NTRK3: variants seen among roughly 807,000 people sequenced by gnomAD.
NTRK3 encodes the protein neurotrophic receptor tyrosine kinase 3.
NTRK3 carries 24 observed loss-of-function variants against 91.7 expected under a neutral mutation model. The observed-to-expected ratio is 0.26, with a 90% CI of 0.19 to 0.37. The LOEUF (loss-of-function observed/expected upper bound fraction) is 0.37, where lower values mean the gene tolerates loss of function less well. NTRK3 is among the 10% of genes least tolerant of loss of function. The probability of loss-of-function intolerance (pLI) is 1.00; values close to 1 mark genes in which losing one functional copy is unlikely to be tolerated. For missense variants in NTRK3, 880 were observed against 1,068.9 expected (o/e 0.82, Z 2.46); for synonymous variants, 483 against 404.0 (o/e 1.20, Z -2.34).
intron 13 of NTRK3, among the ~76,000 whole-genome samples, chr15:88,118,229 G>A (rs374388969): frequency 1.3e-5 from 2 of 152,342 alleles, no homozygotes; most frequent in East Asian, 1.9e-4. Context: ...ACAGGAGAAT[G>A]AGCTGCATAA....
chr15:88,194,744 G>T (rs1299069203), intron 3 of NTRK3, among the ~76,000 whole-genome samples: 1 of 152,074 alleles, frequency 6.6e-6, no homozygotes, highest in African/African-American at 2.4e-5. Flanking sequence ...TCCTGCACTT[G>T]GACTTGGGGG....
intron 3 of NTRK3, among the ~76,000 whole-genome samples, chr15:88,224,199 C>G (rs1728069228): frequency 6.6e-6 from 1 of 152,194 alleles, no homozygotes; most frequent in African/African-American, 2.4e-5. Flanking sequence ...GATGAGGCCC[C>G]AAGTTCAGAT....
At chr15:87,945,580 T>C (rs2070382068) in intron 14 of NTRK3, among the ~76,000 whole-genome samples, 1 of 151,862 alleles carries the variant, frequency 6.6e-6, no homozygotes, top group Non-Finnish European at 1.5e-5. Context: ...CCTACCTCTG[T>C]TCCCCTTGGC....
intron 13 of NTRK3, among the ~76,000 whole-genome samples, chr15:88,086,041 T>G (rs183363664): frequency 4.7e-4 from 71 of 152,228 alleles, no homozygotes; most frequent in African/African-American, 1.7e-3. Context: ...TGGAGCAGAG[T>G]GCAGGAGCAG....
chr15:87,956,035 C>A (rs1040994764), intron 14 of NTRK3, among the ~76,000 whole-genome samples: 2 of 151,822 alleles, frequency 1.3e-5, no homozygotes, highest in Non-Finnish European at 2.9e-5. Context: ...AAGGAGAGGA[C>A]CCTGGGGTAC....
chr15:87,873,102 G>T (rs566048070), exon 19 of NTRK3: 1 of 232,612 alleles, frequency 4.3e-6, no homozygotes, highest in East Asian at 6.1e-5. Flanking sequence ...TCTCCCGTTG[G>T]TGTTGGTTTC....
At chr15:88,037,075 T>G (rs2079138279) in intron 13 of NTRK3, among the ~76,000 whole-genome samples, 1 of 152,184 alleles carries the variant, frequency 6.6e-6, no homozygotes, top group Non-Finnish European at 1.5e-5. Context: ...GATGGAAGTG[T>G]TCTGCCACAG....
At chr15:87,892,015 A>AT (rs1567076593) in intron 17 of NTRK3, among the ~76,000 whole-genome samples, 1 of 151,518 alleles carries the variant, frequency 6.6e-6, no homozygotes, top group East Asian at 1.9e-4. Flanking sequence ...TCTCACATGG[A>AT]TTTTTTCTAA....
chr15:88,093,957 G>T (rs2150786911), intron 13 of NTRK3, among the ~76,000 whole-genome samples: 1 of 152,286 alleles, frequency 6.6e-6, no homozygotes, highest in East Asian at 1.9e-4. Context: ...GGCTTGGGGA[G>T]GGCAAACAGC....
At chr15:87,978,999 T>C (rs1191866784) in intron 14 of NTRK3, 1 of 390,538 alleles carries the variant, frequency 2.6e-6, no homozygotes, top group Non-Finnish European at 4.7e-6. Flanking sequence ...TTGTGATGGT[T>C]AGGTTGTTTT....
chr15:88,214,497 T>G (rs1448116489), intron 3 of NTRK3, among the ~76,000 whole-genome samples: 4 of 152,148 alleles, frequency 2.6e-5, no homozygotes, highest in African/African-American at 9.7e-5. Flanking sequence ...TAAGGAATTA[T>G]GTCTGCAAAG....
At chr15:88,033,923 C>T (rs1271393409) in intron 13 of NTRK3, among the ~76,000 whole-genome samples, 1 of 152,180 alleles carries the variant, frequency 6.6e-6, no homozygotes, top group Non-Finnish European at 1.5e-5. Flanking sequence ...TTAACAATGT[C>T]TGATGCTGGA....
chr15:87,928,797 G>A (rs984103835), intron 17 of NTRK3: 4 of 328,128 alleles, frequency 1.2e-5, no homozygotes, highest in Admixed American at 4.5e-5. Flanking sequence ...TCATGGGTGA[G>A]GCTAGATCTG....
At chr15:88,109,132 G>T (rs1018499234) in intron 13 of NTRK3, among the ~76,000 whole-genome samples, 1 of 152,104 alleles carries the variant, frequency 6.6e-6, no homozygotes, top group Admixed American at 6.5e-5. Flanking sequence ...AAATTTCCCC[G>T]TTAAGCAAAC....
At chr15:87,907,821 G>A (rs182814752) in intron 17 of NTRK3, among the ~76,000 whole-genome samples, 205 of 152,212 alleles carry the variant, frequency 1.3e-3, no homozygotes, top group African/African-American at 4.7e-3. Context: ...ATGGAACTTC[G>A]ACTGACTCTG....
exon 19 of NTRK3, chr15:87,862,710 A>G (rs2064559879): frequency 4.4e-6 from 1 of 229,610 alleles, no homozygotes; most frequent in Non-Finnish European, 8.6e-6. Flanking sequence ...TTGTTTTCTC[A>G]GTACACCCTT....
exon 3 of NTRK3, chr15:88,256,007 G>A (rs2054022720): frequency 6.2e-7 from 1 of 1,613,570 alleles, no homozygotes; most frequent in Non-Finnish European, 8.5e-7. Context: ...GGTTCCCATC[G>A]TCCGGCCGCC....
chr15:87,996,606 T>C (rs1281875950), intron 14 of NTRK3, among the ~76,000 whole-genome samples: 1 of 152,148 alleles, frequency 6.6e-6, no homozygotes, highest in African/African-American at 2.4e-5. Context: ...CAGCACAAAC[T>C]CAGGACAGCA....
At chr15:88,109,558 C>T (rs762180280) in intron 13 of NTRK3, among the ~76,000 whole-genome samples, 26 of 152,208 alleles carry the variant, frequency 1.7e-4, no homozygotes, top group Non-Finnish European at 2.9e-4. Flanking sequence ...GAGAGCTTTT[C>T]CCGCCATGTT....
Sources: allele counts gnomAD v4.1 joint callset (sites outside exome capture counted in the v4.1 genomes callset), GRCh38; gene constraint gnomAD v4.1.1; transcripts MANE v1.5; gene names NCBI Gene and HGNC (gene_info 2026-07-23, HGNC 2026-07-21).